The following ARID5B variants were observed in gnomAD, a reference collection of about 807,000 sequenced individuals.
The protein encoded by ARID5B is AT-rich interactive domain-containing protein 5B.
A neutral mutation model predicts 97.2 loss-of-function variants in ARID5B; 13 were observed. That is an observed-to-expected ratio of 0.13 (90% CI 0.09 to 0.21). The LOEUF (loss-of-function observed/expected upper bound fraction) is 0.21. Ranked by LOEUF, ARID5B falls within the 10% of genes least tolerant of loss-of-function variation. ARID5B has a pLI of 1.00. For synonymous variants in ARID5B, 556 were observed against 570.3 expected, an observed-to-expected ratio of 0.97 and a Z score of 0.36; for missense variants, 1,210 against 1,465.3, an observed-to-expected ratio of 0.83 and a Z score of 2.84.
intron 4 of ARID5B, among the ~76,000 whole-genome samples, chr10:62,042,189 G>A (rs893185339): frequency 6.6e-6 from 1 of 152,098 alleles, no homozygotes; most frequent in Non-Finnish European, 1.5e-5. Flanking sequence ...TGTATTTATA[G>A]AAGAGTTTTC....
intron 3 of ARID5B, among the ~76,000 whole-genome samples, chr10:61,987,646 C>T (rs554939403): frequency 1.3e-5 from 2 of 152,268 alleles, no homozygotes; most frequent in South Asian, 4.1e-4. Context: ...ACTGTGCCGT[C>T]GTAGTGTAAA....
At chr10:62,084,389 T>G (rs771485804) in intron 8 of ARID5B, among the ~76,000 whole-genome samples, 2 of 152,226 alleles carry the variant, frequency 1.3e-5, no homozygotes, top group Admixed American at 6.5e-5. Flanking sequence ...AATTTTAGGA[T>G]AGCAAACCAA....
At chr10:62,050,769 A>T in intron 4 of ARID5B, 119 bp from the exon 5 acceptor site, 1 of 815,974 alleles carries the variant, frequency 1.2e-6, no homozygotes, top group Non-Finnish European at 2.0e-6. Flanking sequence ...GCTGCCTGCC[A>T]CAGATCTGTA....
At chr10:62,024,821 G>T in intron 4 of ARID5B, 1 of 375,076 alleles carries the variant, frequency 2.7e-6, no homozygotes, top group Non-Finnish European at 4.8e-6. Flanking sequence ...ATTCTTTTCG[G>T]GTTCTGAAAT....
chr10:62,047,478 T>C (rs544461399), intron 4 of ARID5B, among the ~76,000 whole-genome samples: 1 of 152,302 alleles, frequency 6.6e-6, no homozygotes, highest in South Asian at 2.1e-4. Flanking sequence ...AAGCCAGATA[T>C]GCTATCAGTA....
chr10:61,984,990 C>T (rs1268016281), intron 3 of ARID5B, among the ~76,000 whole-genome samples: 1 of 151,958 alleles, frequency 6.6e-6, no homozygotes, highest in African/African-American at 2.4e-5. Flanking sequence ...AAATGGGGCT[C>T]ATAATAACTT....
At chr10:61,985,544 A>G (rs964858027) in intron 3 of ARID5B, among the ~76,000 whole-genome samples, 1 of 152,140 alleles carries the variant, frequency 6.6e-6, no homozygotes, top group Non-Finnish European at 1.5e-5. Flanking sequence ...CAGAAAGTAG[A>G]TGAGTAGTTG....
At chr10:62,042,027 C>T (rs181972838) in intron 4 of ARID5B, among the ~76,000 whole-genome samples, 1 of 152,296 alleles carries the variant, frequency 6.6e-6, no homozygotes, top group Admixed American at 6.5e-5. Flanking sequence ...TTAAGAGGTT[C>T]TATCTGTACA....
intron 3 of ARID5B, among the ~76,000 whole-genome samples, chr10:61,989,632 A>G (rs1455016214): frequency 6.6e-6 from 1 of 152,190 alleles, no homozygotes; most frequent in Non-Finnish European, 1.5e-5. Context: ...AATTATCTAA[A>G]ATTTTTATGC....
intron 2 of ARID5B, among the ~76,000 whole-genome samples, chr10:61,937,878 G>A (rs1340771820): frequency 6.6e-6 from 1 of 152,268 alleles, no homozygotes; most frequent in Non-Finnish European, 1.5e-5. Context: ...CTTGTGGTGG[G>A]AGGGGGGTGT....
At chr10:62,034,824 A>G (rs566447067) in intron 4 of ARID5B, among the ~76,000 whole-genome samples, 3 of 152,356 alleles carry the variant, frequency 2.0e-5, no homozygotes, top group Non-Finnish European at 4.4e-5. Context: ...TCAGACTTTC[A>G]TCGGTAGGCA....
Position 62,089,195 on chromosome 10 carries a change from A to G in ARID5B, c.1399-1667A>G, listed in dbSNP as rs552584550. Among the ~76,000 whole-genome samples the G allele has an allele frequency of 2.0e-5, 3 of 152,280 alleles. No individual in the cohort carries two copies. In the East Asian group the frequency reaches 5.8e-4, roughly 29 times the overall value. Reference sequence around the variant, plus strand: ...TGTATAAGCTCAAGAGACCAATGTGATGATTATTAATGTAGAAGAAGTAAT... The same window carrying G: ...TGTATAAGCTCAAGAGACCAATGTGGTGATTATTAATGTAGAAGAAGTAAT... On this transcript the variant is annotated intron_variant, in intron 9 of 9. Coordinates refer to ENST00000279873, the MANE Select transcript of ARID5B (RefSeq NM_032199.3).
In ARID5B at chr10:62,031,737, C is replaced by T. The variant is rs540000554; in HGVS notation, c.734-19151C>T. The stretch of plus-strand genomic sequence containing the variant: ...TCAGGAAGCAGGAAACACCCATGCA[C>T]GGTCTAAAGGAGCAGCTGCTTTTCA... On this transcript the variant is annotated intron_variant, in intron 4 of 9. Coordinates refer to ENST00000279873, the MANE Select transcript of ARID5B (RefSeq NM_032199.3). 2.1e-4 allele frequency among the ~76,000 whole-genome samples: 32 copies of T among 152,134 alleles called. No homozygotes were observed. The East Asian group carries it at 3.3e-3, about 16-fold the overall frequency.
intron 3 of ARID5B, among the ~76,000 whole-genome samples, chr10:61,977,714 T>A (rs191588636): frequency 1.3e-5 from 2 of 152,346 alleles, no homozygotes; most frequent in Admixed American, 1.3e-4. Context: ...TGTTTGTTTT[T>A]TTCCTTGTAA....
intron 8 of ARID5B, among the ~76,000 whole-genome samples, chr10:62,079,815 G>T (rs1316942128): frequency 2.0e-5 from 3 of 152,184 alleles, no homozygotes; most frequent in African/African-American, 7.2e-5. Flanking sequence ...AAGTTTTCTT[G>T]TCCATCTGCT....
chr10:61,950,394 C>T (rs1287614217), intron 3 of ARID5B, among the ~76,000 whole-genome samples: 1 of 152,176 alleles, frequency 6.6e-6, no homozygotes, highest in East Asian at 1.9e-4. Context: ...TCTGTCTGGG[C>T]ACAGTGGCTC....
chr10:61,995,900 G>C (rs1838989296), intron 3 of ARID5B, among the ~76,000 whole-genome samples: 1 of 152,212 alleles, frequency 6.6e-6, no homozygotes, highest in South Asian at 2.1e-4. Context: ...TGCAAGGTTG[G>C]AAATCTGCCT....
intron 3 of ARID5B, among the ~76,000 whole-genome samples, chr10:61,961,357 C>G (rs1838468028): frequency 6.6e-6 from 1 of 152,110 alleles, no homozygotes; most frequent in Admixed American, 6.5e-5. Context: ...CTAGTGTATA[C>G]CACAGTTAAG....
In ARID5B at chr10:62,070,667, T is replaced by C. The variant is rs114987672; in HGVS notation, c.1199+870T>C. 5.0e-3 allele frequency among the ~76,000 whole-genome samples: 767 copies of C among 152,304 alleles called. 2 individuals carry two copies. Among genetic ancestry groups the C allele is most frequent in the African/African-American group, 0.017 (694 of 41,568 alleles). ...TTAGTATGGCCGTTCAACAAGAATG[T>C]TTTTGTAATAATAAATTGAATTGGG... On this transcript the variant is annotated intron_variant, in intron 8 of 9. Transcript: ENST00000279873.
Sources: gnomAD v4.1 joint callset for allele counts (sites outside exome capture counted in the v4.1 genomes callset) on GRCh38, gnomAD v4.1.1 for gene constraint, MANE v1.5 for transcripts, NCBI Gene and HGNC (gene_info 2026-07-23, HGNC 2026-07-21) for gene names.